The following EYS variants were observed in gnomAD, a reference collection of about 807,000 sequenced individuals.
EYS encodes the protein EGF-like photoreceptor maintenance factor, also known as protein eyes shut homolog.
A neutral mutation model predicts 282.1 loss-of-function variants in EYS; 250 were observed. The observed-to-expected ratio is 0.89, with a 90% confidence interval of 0.80 to 0.98. The LOEUF is 0.98. EYS is among the 50% of genes least tolerant of loss of function. The pLI is 0.00. For missense variants in EYS, 4,016 were observed against 3,709.0 expected (o/e 1.08, Z -2.15); for synonymous variants, 1,355 against 1,282.9 (o/e 1.06, Z -1.20).
chr6:64,456,482 G>A (rs1775563017), intron 26 of EYS, among the ~76,000 whole-genome samples: 1 of 151,926 alleles, frequency 6.6e-6, no homozygotes, highest in Non-Finnish European at 1.5e-5. Flanking sequence ...GGATCTTGAA[G>A]AAATCTTTTA....
intron 28 of EYS, among the ~76,000 whole-genome samples, chr6:64,396,771 CA>C (rs1355893462): frequency 6.6e-6 from 1 of 152,002 alleles, no homozygotes; most frequent in African/African-American, 2.4e-5. Context: ...TTCTACTGGT[CA>C]ATTTTTCTAT....
At chr6:65,296,344 C>T (rs1768665492) in intron 11 of EYS, among the ~76,000 whole-genome samples, 1 of 151,846 alleles carries the variant, frequency 6.6e-6, no homozygotes, top group African/African-American at 2.4e-5. Flanking sequence ...CTGAATATAT[C>T]TAGTCTCAAA....
intron 22 of EYS, among the ~76,000 whole-genome samples, chr6:64,648,444 G>A (rs1026031492): frequency 2.0e-5 from 3 of 152,162 alleles, no homozygotes; most frequent in Admixed American, 1.3e-4. Flanking sequence ...GTTTAAGAGA[G>A]TGTCATAGAC....
intron 2 of EYS, among the ~76,000 whole-genome samples, chr6:65,542,939 A>G (rs1224593310): frequency 6.6e-6 from 1 of 152,210 alleles, no homozygotes; most frequent in East Asian, 1.9e-4. Flanking sequence ...TCTTCTCTGA[A>G]CTAATTGCAC....
intron 35 of EYS, among the ~76,000 whole-genome samples, chr6:63,879,677 T>G (rs1773076568): frequency 6.6e-6 from 1 of 152,236 alleles, no homozygotes; most frequent in Non-Finnish European, 1.5e-5. Flanking sequence ...TTTGGTTAGC[T>G]TCTTGGGAAT....
intron 22 of EYS, among the ~76,000 whole-genome samples, chr6:64,729,887 A>G (rs1447466751): frequency 1.3e-5 from 2 of 152,242 alleles, no homozygotes; most frequent in Admixed American, 6.5e-5. Context: ...AACTGGTAAA[A>G]TAGTTGTACA....
chr6:65,434,572 G>A (rs1030175890), intron 5 of EYS, among the ~76,000 whole-genome samples: 8 of 152,052 alleles, frequency 5.3e-5, no homozygotes, highest in Admixed American at 1.3e-4. Context: ...GGCCCGCCTT[G>A]GCCTCCAAAG....
intron 30 of EYS, among the ~76,000 whole-genome samples, chr6:64,265,218 C>G (rs35906228): frequency 0.013 from 2,032 of 152,116 alleles, 17 homozygotes; most frequent in Middle Eastern, 0.02. Context: ...ACAAAAAATG[C>G]CAATATGCAT....
rs565069681 is a variant in EYS at position 64,162,472 on chromosome 6, AG to A, written c.6424+68119del. Among the ~76,000 whole-genome samples the A allele has an allele frequency of 7.4e-3, 1,121 of 152,166 alleles. 5 individuals are homozygous for A. Among genetic ancestry groups the A allele is most frequent in the African/African-American group, 0.025 (1,053 of 41,534 alleles). ...CACCTGGAATTCCTAAGATTGCTTGAGTATGGTGCCCTTTGTCCCTTAGACA... is the reference window on the plus strand; with the variant it reads ...CACCTGGAATTCCTAAGATTGCTTGATATGGTGCCCTTTGTCCCTTAGACA... On this transcript the variant is annotated intron_variant, in intron 31 of 42. Coordinates refer to ENST00000503581, the MANE Select transcript of EYS (RefSeq NM_001142800.2).
chr6:65,046,493 A>G (rs1773104990), intron 13 of EYS, among the ~76,000 whole-genome samples: 1 of 151,784 alleles, frequency 6.6e-6, no homozygotes, highest in Admixed American at 6.6e-5. Context: ...TTCCAACTTG[A>G]GGACTTCCTT....
Position 65,582,198 on chromosome 6 carries a change from C to CAAATAAATAAATAAAT in EYS, c.-333+57564_-333+57579dup, listed in dbSNP as rs3049810. On this transcript the variant is annotated intron_variant, in intron 2 of 42. Coordinates refer to ENST00000503581, the MANE Select transcript of EYS (RefSeq NM_001142800.2). ...TCGACAGAGTGAGACTCCATCTCAA[C>CAAATAAATAAATAAAT]AAATAAATAAATAAATAAATAAATA... Among the ~76,000 whole-genome samples, 144 of 143,268 alleles carry CAAATAAATAAATAAAT rather than the reference C, an allele frequency of 1.0e-3. 1 individual carries two copies. The highest frequency in any genetic ancestry group is 3.2e-3 in the African/African-American group (124 of 39,010). The allele number at this position is 143,268 out of a possible 152,430, so 94.0% of individuals were successfully genotyped here. A position where few individuals can be genotyped will look rare whatever the true frequency, so the allele number is the denominator to read the frequency against.
intron 2 of EYS, among the ~76,000 whole-genome samples, chr6:65,602,409 T>C (rs1765645713): frequency 1.3e-5 from 2 of 151,954 alleles, no homozygotes; most frequent in South Asian, 4.1e-4. Context: ...TTTGATTAGT[T>C]GAGGCTTTTA....
chr6:64,531,535 C>T (rs1173506079), intron 26 of EYS, among the ~76,000 whole-genome samples: 6 of 116,834 alleles, frequency 5.1e-5, no homozygotes, highest in African/African-American at 1.4e-4. Context: ...TGCAAGTGCC[C>T]GCCACCACGC....
At chr6:65,314,508 T>G (rs1287035984) in intron 11 of EYS, among the ~76,000 whole-genome samples, 1 of 141,308 alleles carries the variant, frequency 7.1e-6, no homozygotes, top group Admixed American at 7.4e-5. Flanking sequence ...TCATCAATCC[T>G]TAAAGGTTCA....
At chr6:65,575,326 C>CTAAATAAA (rs71002320) in intron 2 of EYS, among the ~76,000 whole-genome samples, 13,376 of 141,964 alleles carry the variant, frequency 0.094, 1,917 homozygotes, top group African/African-American at 0.31. Context: ...GACTTCCTCT[C>CTAAATAAA]TAAATAAATA....
chr6:64,827,305 C>T (rs889945827), intron 19 of EYS, among the ~76,000 whole-genome samples: 2 of 151,572 alleles, frequency 1.3e-5, no homozygotes, highest in Non-Finnish European at 2.9e-5. Flanking sequence ...TTAAATATTC[C>T]TTTTGATATC....
chr6:64,089,224 T>G (rs1034988932), intron 31 of EYS, among the ~76,000 whole-genome samples: 1 of 151,586 alleles, frequency 6.6e-6, no homozygotes, highest in African/African-American at 2.4e-5. Flanking sequence ...AATCTGTGAT[T>G]TAAATGAATA....
chr6:64,456,980 A>T (rs146896721), intron 26 of EYS, among the ~76,000 whole-genome samples: 44 of 152,136 alleles, frequency 2.9e-4, no homozygotes, highest in African/African-American at 9.9e-4. Context: ...CAATGTTATT[A>T]TGACCTTTTT....
At position 65,335,076 on chromosome 6, in the gene EYS, C is replaced by A; in HGVS notation, c.1670G>T (p.Arg557Ile). The A allele has an allele frequency of 6.2e-7, 1 of 1,612,158 alleles. No homozygotes were observed. Among genetic ancestry groups the A allele is most frequent in the African/African-American group, 1.3e-5 (1 of 74,908 alleles). Residue 557 changes from arginine (R) to isoleucine (I), a missense_variant, in exon 11 of 43, where the codon AGA becomes ATA. Physicochemically the swap from Arg to Ile is moderately conservative, Grantham distance 97 (BLOSUM62 -3). Transcript: ENST00000503581. ...SQEYRYLCFL[R>I]WAGNMYLENT... is the part of the protein sequence containing the mutation. ...TTCCAGATACATGTTGCCAGCCCAT[C>A]TGAGAAAACATAGATACCGATATTC...
Sources: allele counts gnomAD v4.1 joint callset (sites outside exome capture counted in the v4.1 genomes callset), GRCh38; gene constraint gnomAD v4.1.1; transcripts MANE v1.5; gene names NCBI Gene and HGNC (gene_info 2026-07-23, HGNC 2026-07-21).